The following ABCC12 variants were observed in gnomAD, a reference collection of about 807,000 sequenced individuals.
The protein encoded by ABCC12 is ATP-binding cassette sub-family C member 12.
In ABCC12, 142 loss-of-function variants were observed where a neutral mutation model predicts 151.1. The observed-to-expected ratio is 0.94, with a 90% confidence interval of 0.82 to 1.08. The LOEUF (loss-of-function observed/expected upper bound fraction) is 1.08. Ranked by LOEUF, ABCC12 falls within the 50% of genes least tolerant of loss-of-function variation. The pLI is 0.00. For missense variants in ABCC12, 1,638 were observed against 1,691.1 expected, an observed-to-expected ratio of 0.97 and a Z score of 0.55; for synonymous variants, 645 against 646.4, an observed-to-expected ratio of 1.00 and a Z score of 0.03.
At chr16:48,139,874 C>T (rs1964745812) in intron 6 of ABCC12, among the ~76,000 whole-genome samples, 1 of 152,128 alleles carries the variant, frequency 6.6e-6, no homozygotes, top group South Asian at 2.1e-4. Context: ...TGAAGCGTGG[C>T]TGGGATGGCT....
chr16:48,146,238 C>A, intron 3 of ABCC12, 68 bp downstream of exon 3: 1 of 1,433,874 alleles, frequency 7.0e-7, no homozygotes, highest in Middle Eastern at 1.8e-4. Context: ...GGAGCAGTGC[C>A]CACTCTCCTG....
chr16:48,111,731 G>C lies in ABCC12; in HGVS notation c.2124+45C>G, dbSNP rs564865552. On this transcript the variant is annotated intron_variant, in intron 16 of 30. Coordinates refer to ENST00000311303, the MANE Select transcript of ABCC12 (RefSeq NM_001393797.1). ...CCTCTCCCAGGCACGAAATCCTGAG[G>C]GATTCCGCCCCAATTGTTCCCACAC... 8.1e-6 allele frequency: 13 copies of C among 1,614,000 alleles called. No individual in the cohort carries two copies. In the African/African-American group the frequency reaches 1.6e-4, roughly 20 times the overall value.
intron 22 of ABCC12, 84 bp downstream of exon 22, chr16:48,104,058 C>A (rs1963395998): frequency 1.4e-6 from 2 of 1,392,638 alleles, no homozygotes; most frequent in African/African-American, 1.4e-5. Flanking sequence ...GTAAAGACAG[C>A]AAGCACTCCA....
chr16:48,107,241 A>G, intron 20 of ABCC12, 81 bp downstream of exon 20: 1 of 1,320,668 alleles, frequency 7.6e-7, no homozygotes, highest in Non-Finnish European at 1.1e-6. Flanking sequence ...GCATGGTGGC[A>G]GGGGCAGTCA....
At chr16:48,104,663 G>A (rs991343581) in intron 21 of ABCC12, among the ~76,000 whole-genome samples, 1 of 152,174 alleles carries the variant, frequency 6.6e-6, no homozygotes, top group Non-Finnish European at 1.5e-5. Flanking sequence ...TGCCTTTGTC[G>A]GAGGAAGGAA....
chr16:48,094,699 T>C (rs759388475), intron 24 of ABCC12, among the ~76,000 whole-genome samples: 59 of 152,008 alleles, frequency 3.9e-4, no homozygotes, highest in Non-Finnish European at 7.5e-4. Context: ...TAGGGATAAA[T>C]TGGGCTCTCT....
At chr16:48,102,742 A>G (rs555908441) in intron 22 of ABCC12, among the ~76,000 whole-genome samples, 1 of 152,296 alleles carries the variant, frequency 6.6e-6, no homozygotes, top group Admixed American at 6.5e-5. Context: ...CAGAACTGAA[A>G]CATCCGAAAC....
At chr16:48,094,710 GA>G (rs10714247) in intron 24 of ABCC12, among the ~76,000 whole-genome samples, 2,570 of 152,276 alleles carry the variant, frequency 0.017, 70 homozygotes, top group African/African-American at 0.058. Context: ...TGGGCTCTCT[GA>G]ATAGTCCCCT....
rs187744002 is a variant in ABCC12 at position 48,095,319 on chromosome 16, C to T, written c.3195+1427G>A. 4.3e-3 allele frequency among the ~76,000 whole-genome samples: 652 copies of T among 151,556 alleles called. 7 individuals are homozygous for T. The highest frequency in any genetic ancestry group is 7.6e-3 in the Non-Finnish European group (514 of 68,024). Reference sequence around the variant, plus strand: ...AGTAAGACGTGCCTTTCACCTTCCACCATGATTATGAGGCCTCCCCAGCCA... The same window carrying T: ...AGTAAGACGTGCCTTTCACCTTCCATCATGATTATGAGGCCTCCCCAGCCA... On this transcript the variant is annotated intron_variant, in intron 24 of 30. Transcript: ENST00000311303.
chr16:48,091,269 T>A, intron 24 of ABCC12, 60 bp from the exon 25 acceptor site: 1 of 1,488,526 alleles, frequency 6.7e-7, no homozygotes, highest in Non-Finnish European at 9.4e-7. Context: ...GTTCTGCAGC[T>A]CCCCGTTCAG....
intron 29 of ABCC12, among the ~76,000 whole-genome samples, chr16:48,084,785 C>G (rs369071162): frequency 6.6e-6 from 1 of 152,152 alleles, no homozygotes; most frequent in African/African-American, 2.4e-5. Context: ...GGAACATGTT[C>G]GCAGGTTCCA....
chr16:48,132,793 A>G (rs149494016), intron 9 of ABCC12, among the ~76,000 whole-genome samples: 120 of 152,328 alleles, frequency 7.9e-4, no homozygotes, highest in African/African-American at 2.7e-3. Flanking sequence ...TAAGAGCCTG[A>G]GATGGTTCTA....
chr16:48,144,122 C>T (rs1964921130), intron 3 of ABCC12, 57 bp from the exon 4 acceptor site: 2 of 1,559,728 alleles, frequency 1.3e-6, no homozygotes, highest in East Asian at 2.3e-5. Context: ...CCCCAACTCT[C>T]TCTCTGGATT....
In ABCC12 at chr16:48,105,177, T is replaced by C. The variant is rs552896373; in HGVS notation, c.2635A>G (p.Met879Val). The stretch of plus-strand genomic sequence containing the variant: ...GTGTCATGCAGAGAGGAGGATGCCA[T>C]CAGTGTGGTCTTGGTGAAGACGAAG... Reference protein sequence around the residue: ...KGFVFTKTTLMASSSLHDTVF... With the variant: ...KGFVFTKTTLVASSSLHDTVF... Residue 879 changes from methionine (M) to valine (V), a missense_variant, in exon 21 of 31, where the codon ATG becomes GTG. Met to Val is a conservative substitution (Grantham distance 21). Coordinates refer to ENST00000311303, the MANE Select transcript of ABCC12 (RefSeq NM_001393797.1). 88 of 1,614,166 alleles carry C rather than the reference T, an allele frequency of 5.5e-5. 1 individual carries two copies. The South Asian group carries it at 9.1e-4, about 17-fold the overall frequency.
intron 12 of ABCC12, 58 bp downstream of exon 12, chr16:48,124,155 G>C: frequency 6.4e-7 from 1 of 1,562,110 alleles, no homozygotes. Flanking sequence ...GACCGGAAGG[G>C]AGCCATTTCA....
chr16:48,128,778 C>A, intron 10 of ABCC12, 41 bp from the exon 11 acceptor site: 1 of 1,587,144 alleles, frequency 6.3e-7, no homozygotes. Flanking sequence ...AGATGTCATC[C>A]ATTTGCAAGA....
Position 48,138,248 on chromosome 16 carries a change from G to C in ABCC12, c.959C>G (p.Ser320Cys). The part of the protein sequence containing the change: ...RLIKMYAWEK[S>C]FTNTIQDIRR... ...CCTACCTTGGATAGTGTTGGTAAAA[G>C]ATTTCTCCCAGGCATACATTTTGAT... The change falls in exon 8 of 31, where the codon TCT (serine) becomes TGT (cysteine). Residue 320 changes from serine (S) to cysteine (C), a missense_variant. Transcript: ENST00000311303. The C allele has an allele frequency of 5.0e-6, 8 of 1,610,720 alleles. No homozygotes were observed. The highest frequency in any genetic ancestry group is 6.8e-6 in the Non-Finnish European group (8 of 1,177,310).
chr16:48,098,974 AGG>A (rs1164481863), intron 23 of ABCC12, among the ~76,000 whole-genome samples: 1 of 152,214 alleles, frequency 6.6e-6, no homozygotes, highest in Non-Finnish European at 1.5e-5. Flanking sequence ...TGTGTGAGGC[AGG>A]ACTCTTGACA....
intron 24 of ABCC12, among the ~76,000 whole-genome samples, chr16:48,091,969 A>G (rs1337386333): frequency 2.0e-5 from 3 of 152,210 alleles, no homozygotes; most frequent in Non-Finnish European, 4.4e-5. Context: ...TATAAGAGAC[A>G]GAGGAGAAGT....
Sources: gnomAD v4.1 joint callset for allele counts (sites outside exome capture counted in the v4.1 genomes callset) on GRCh38, gnomAD v4.1.1 for gene constraint, MANE v1.5 for transcripts, NCBI Gene and HGNC (gene_info 2026-07-23, HGNC 2026-07-21) for gene names.